The following LSAMP variants were observed in gnomAD, a reference collection of about 807,000 sequenced individuals.
LSAMP encodes limbic system-associated membrane protein.
A neutral mutation model predicts 38.6 loss-of-function variants in LSAMP; 7 were observed. The ratio of observed to expected loss-of-function variants is 0.18; its 90% CI spans 0.10 to 0.34. LSAMP has a LOEUF of 0.34. Ranked by LOEUF, LSAMP falls within the 10% of genes least tolerant of loss-of-function variation. LSAMP has a pLI of 1.00. For missense variants in LSAMP, 313 were observed against 420.0 expected (o/e 0.75, Z 2.23); for synonymous variants, 154 against 166.8 (o/e 0.92, Z 0.59).
intron 1 of LSAMP, among the ~76,000 whole-genome samples, chr3:116,429,645 G>T (rs924783714): frequency 6.6e-6 from 1 of 152,142 alleles, no homozygotes; most frequent in Non-Finnish European, 1.5e-5. Flanking sequence ...ATGATACTGT[G>T]GGAATCAGTA....
At chr3:116,158,090 A>G (rs957748212) in intron 1 of LSAMP, among the ~76,000 whole-genome samples, 2 of 152,182 alleles carry the variant, frequency 1.3e-5, no homozygotes, top group Admixed American at 6.6e-5. Context: ...TAAAAACAGA[A>G]CGAAAACAAC....
intron 1 of LSAMP, among the ~76,000 whole-genome samples, chr3:116,150,308 C>A (rs997261893): frequency 6.6e-6 from 1 of 152,094 alleles, no homozygotes; most frequent in Non-Finnish European, 1.5e-5. Flanking sequence ...GCAAATAGTT[C>A]TTTATTCATA....
intron 3 of LSAMP, among the ~76,000 whole-genome samples, chr3:115,878,607 A>G (rs1300049353): frequency 6.6e-6 from 1 of 151,476 alleles, no homozygotes; most frequent in Non-Finnish European, 1.5e-5. Flanking sequence ...AACTACAGGC[A>G]TGCACCACCA....
intron 1 of LSAMP, among the ~76,000 whole-genome samples, chr3:116,208,049 A>T (rs1289448434): frequency 2.0e-5 from 3 of 150,346 alleles, no homozygotes; most frequent in African/African-American, 7.3e-5. Context: ...AATCAGACGT[A>T]GATTTGGTCT....
chr3:116,014,288 T>G lies in LSAMP; in HGVS notation c.514+5227A>C, dbSNP rs564367459. Among the ~76,000 whole-genome samples, 3 of 152,284 alleles carry G rather than the reference T, an allele frequency of 2.0e-5. No homozygotes were observed. The South Asian group carries it at 6.2e-4, about 32-fold the overall frequency. On this transcript the variant is annotated intron_variant, in intron 3 of 6. Coordinates refer to ENST00000490035, the MANE Select transcript of LSAMP (RefSeq NM_002338.5). Reference sequence around the variant, plus strand: ...AGGACCATGTCTGTCTTGCTCTTCCTTGTGTGTTTACAGAGTGAACACTGT... The same window carrying G: ...AGGACCATGTCTGTCTTGCTCTTCCGTGTGTGTTTACAGAGTGAACACTGT...
intron 1 of LSAMP, among the ~76,000 whole-genome samples, chr3:116,272,248 A>C (rs1299615558): frequency 6.6e-6 from 1 of 152,110 alleles, no homozygotes; most frequent in Admixed American, 6.6e-5. Flanking sequence ...ACTTATCCTG[A>C]GTCCTGTTTT....
At chr3:116,369,553 G>A (rs948247572) in intron 1 of LSAMP, among the ~76,000 whole-genome samples, 4 of 152,116 alleles carry the variant, frequency 2.6e-5, no homozygotes, top group African/African-American at 9.7e-5. Context: ...TTAGAGGAGG[G>A]CACAGAGATT....
intron 1 of LSAMP, among the ~76,000 whole-genome samples, chr3:116,161,404 A>C (rs1709883230): frequency 6.6e-6 from 1 of 152,210 alleles, no homozygotes; most frequent in Non-Finnish European, 1.5e-5. Context: ...TCATAGTGTG[A>C]ACTAAATGTG....
At chr3:116,080,646 G>A (rs1244740313) in intron 2 of LSAMP, among the ~76,000 whole-genome samples, 1 of 152,228 alleles carries the variant, frequency 6.6e-6, no homozygotes, top group Non-Finnish European at 1.5e-5. Context: ...GGTTGCTGAT[G>A]TGAATAGTGA....
At chr3:115,903,635 T>C (rs901263018) in intron 3 of LSAMP, among the ~76,000 whole-genome samples, 1 of 152,188 alleles carries the variant, frequency 6.6e-6, no homozygotes, top group Non-Finnish European at 1.5e-5. Context: ...ATTAGCTTTT[T>C]TTCCTGTATA....
At chr3:115,939,375 G>A (rs1265827773) in intron 3 of LSAMP, among the ~76,000 whole-genome samples, 5 of 152,086 alleles carry the variant, frequency 3.3e-5, no homozygotes, top group African/African-American at 1.2e-4. Context: ...GCAGCCTAAA[G>A]GGTAATAGTT....
At chr3:115,971,104 C>A (rs1939004167) in intron 3 of LSAMP, among the ~76,000 whole-genome samples, 1 of 152,070 alleles carries the variant, frequency 6.6e-6, no homozygotes, top group South Asian at 2.1e-4. Flanking sequence ...TTAATCCTAG[C>A]ATGGATAGGC....
At chr3:115,882,725 T>C (rs1432934204) in intron 3 of LSAMP, among the ~76,000 whole-genome samples, 2 of 152,094 alleles carry the variant, frequency 1.3e-5, no homozygotes, top group Admixed American at 6.6e-5. Flanking sequence ...TACTGGATAA[T>C]GCATTGATAC....
intron 1 of LSAMP, among the ~76,000 whole-genome samples, chr3:116,169,693 C>T (rs528945460): frequency 5.9e-5 from 9 of 152,336 alleles, no homozygotes; most frequent in Non-Finnish European, 1.0e-4. Flanking sequence ...TAAAGCCACA[C>T]CCTCCAAAGA....
chr3:116,284,011 AAAAT>A (rs1268392092), intron 1 of LSAMP, among the ~76,000 whole-genome samples: 4 of 152,286 alleles, frequency 2.6e-5, no homozygotes, highest in South Asian at 2.1e-4. Flanking sequence ...GTCTCCCAAA[AAAAT>A]AAATAAATAA....
chr3:116,047,305 CAA>C (rs1941309112), intron 2 of LSAMP, among the ~76,000 whole-genome samples: 1 of 148,630 alleles, frequency 6.7e-6, no homozygotes. Flanking sequence ...GCAAATATTT[CAA>C]AGAGTGGTAC....
chr3:116,192,410 C>A (rs1465209698), intron 1 of LSAMP, among the ~76,000 whole-genome samples: 1 of 152,176 alleles, frequency 6.6e-6, no homozygotes, highest in Non-Finnish European at 1.5e-5. Context: ...CCTGCCCAGC[C>A]ATCCTCACCA....
rs1247126046 is a variant in LSAMP at position 116,105,868 on chromosome 3, G to T, written c.156-19312C>A. The stretch of plus-strand genomic sequence containing the variant: ...TTGGGGCGGCAAAAATTTTTGGGGG[G>T]TGGTATGGAGAGAGAATGGGCGATG... On this transcript the variant is annotated intron_variant, in intron 1 of 6. Transcript: ENST00000490035. Among the ~76,000 whole-genome samples, 8 of 151,964 alleles carry T rather than the reference G, an allele frequency of 5.3e-5. No homozygotes were observed. The South Asian group carries it at 8.3e-4, about 16-fold the overall frequency.
intron 3 of LSAMP, among the ~76,000 whole-genome samples, chr3:115,939,835 A>G (rs1937849876): frequency 6.6e-6 from 1 of 152,116 alleles, no homozygotes; most frequent in Admixed American, 6.6e-5. Context: ...CTGGGATTAC[A>G]GGCCCTATGT....
Sources: gnomAD v4.1 joint callset for allele counts (sites outside exome capture counted in the v4.1 genomes callset) on GRCh38, gnomAD v4.1.1 for gene constraint, MANE v1.5 for transcripts, NCBI Gene and HGNC (gene_info 2026-07-23, HGNC 2026-07-21) for gene names.